Variants in ATN1 observed in about 807,000 individuals in gnomAD.
ATN1 encodes atrophin-1.
A neutral mutation model predicts 85.8 loss-of-function variants in ATN1; 19 were observed. The observed-to-expected ratio is 0.22, with a 90% CI of 0.15 to 0.32. ATN1 has a LOEUF of 0.32. Among genes scored for constraint, ATN1 ranks in the 10% least tolerant of loss-of-function variants. The probability of loss-of-function intolerance (pLI) is 1.00; values close to 1 mark genes in which losing one functional copy is unlikely to be tolerated. For synonymous variants in ATN1, 674 were observed against 657.0 expected, an observed-to-expected ratio of 1.03 and a Z score of -0.39; for missense variants, 1,453 against 1,564.5, an observed-to-expected ratio of 0.93 and a Z score of 1.20.
chr12:6,935,512 GA>G lies in ATN1; in HGVS notation c.280-31del. The G allele has an allele frequency of 6.3e-7, 1 of 1,594,606 alleles. No individual in the cohort carries two copies. The highest frequency in any genetic ancestry group is 8.5e-7 in the Non-Finnish European group (1 of 1,169,596). ...CCCAAATCTCAGGGAAGCAGGAAAG[GA>G]AAAGAGAAAAAATGAGTCTTCCCTT... On this transcript the variant is annotated intron_variant, in intron 4 of 9. Coordinates refer to ENST00000396684, the MANE Select transcript of ATN1 (RefSeq NM_001940.4). This position sits in a 1 kb window ranked among gnomAD's most constrained non-coding sequence, Gnocchi z 5.3.
chr12:6,937,702 T>A lies in ATN1; in HGVS notation c.2294+141T>A. On this transcript the variant is annotated intron_variant, in intron 5 of 9. Coordinates refer to ENST00000396684, the MANE Select transcript of ATN1 (RefSeq NM_001940.4). The surrounding 1 kb of genome is among the most constrained non-coding windows in gnomAD (Gnocchi z 6.0). ...GCCCCTCTCCTCCGTCCAGGCCTAG[T>A]GGCCAGTGAGGCCCGCAGCAGCTCA... 1 of 1,438,096 alleles carries A rather than the reference T, an allele frequency of 7.0e-7. No individual in the cohort carries two copies. Among genetic ancestry groups the A allele is most frequent in the South Asian group, 1.5e-5 (1 of 68,062 alleles). 89.1% of individuals were successfully genotyped at this position (1,438,096 alleles called of 1,614,324 possible). A position where few individuals can be genotyped will look rare whatever the true frequency, so the allele number is the denominator to read the frequency against.
Position 6,936,773 on chromosome 12 carries a change from G to GCAGCAGCAGCAGCAT in ATN1, c.1508_1509insGCAGCAGCAGCATCA (p.Gln502_His503insGlnGlnGlnGlnHis), listed in dbSNP as rs782468714. ...AGCAGCAGCAGCAGCAGCAGCAGCA[G>GCAGCAGCAGCAGCAT]CATCACGGAAACTCTGGGCCCCCTC... is the stretch of plus-strand genomic sequence containing the variant. On this transcript the variant is annotated inframe_insertion, in exon 5 of 10. Transcript: ENST00000396684. The GCAGCAGCAGCAGCAT allele has an allele frequency of 3.5e-5, 55 of 1,590,308 alleles. No individual in the cohort carries two copies. Among genetic ancestry groups the GCAGCAGCAGCAGCAT allele is most frequent in the East Asian group, 1.8e-4 (8 of 44,014 alleles).
In ATN1 at chr12:6,937,176, C is replaced by A; in HGVS notation, c.1909C>A (p.Pro637Thr). The A allele has an allele frequency of 6.2e-7, 1 of 1,611,322 alleles. No individual in the cohort carries two copies. The highest frequency in any genetic ancestry group is 8.5e-7 in the Non-Finnish European group (1 of 1,179,714). Residue 637 changes from proline (P) to threonine (T), a missense_variant, in exon 5 of 10, where the codon CCA becomes ACA. Pro to Thr is a conservative substitution (Grantham distance 38, BLOSUM62 -1). Coordinates refer to ENST00000396684, the MANE Select transcript of ATN1 (RefSeq NM_001940.4). This position sits in a 1 kb window ranked among gnomAD's most constrained non-coding sequence, Gnocchi z 6.0. The stretch of plus-strand genomic sequence containing the variant: ...CAAAACGGCCTCCCCACCTGGGCCC[C>A]CACCGTACGGAAAGAGAGCCCCGTC... Reference protein sequence around the residue: ...GYKTASPPGPPPYGKRAPSPG... With the variant: ...GYKTASPPGPTPYGKRAPSPG...
At chr12:6,932,208 G>A (rs1555143137) in intron 1 of ATN1, among the ~76,000 whole-genome samples, 1 of 152,168 alleles carries the variant, frequency 6.6e-6, no homozygotes. Context: ...CCGTGGAGGT[G>A]AGTGAGAATT....
chr12:6,933,934 G>C lies in ATN1; in HGVS notation c.-68G>C. 1.3e-6 allele frequency: 2 copies of C among 1,557,012 alleles called. No individual in the cohort carries two copies. The highest frequency in any genetic ancestry group is 1.7e-6 in the Non-Finnish European group (2 of 1,146,664). On this transcript the variant is annotated 5_prime_UTR_variant, in exon 2 of 10. Transcript: ENST00000396684. ...AGACCACAGCTGTGGGGAACTTGGGGTGGAGCAGAGAAGTTTCTGTATTCA... is the reference window on the plus strand; with the variant it reads ...AGACCACAGCTGTGGGGAACTTGGGCTGGAGCAGAGAAGTTTCTGTATTCA...
At chr12:6,940,858 C>T in intron 7 of ATN1, 22 bp from the exon 8 acceptor site, 1 of 1,614,128 alleles carries the variant, frequency 6.2e-7, no homozygotes, top group South Asian at 1.1e-5. Context: ...CTGGTGACAC[C>T]TTCCTCTTCT....
At position 6,937,543 on chromosome 12, in the gene ATN1, A is replaced by G; in HGVS notation, c.2276A>G (p.His759Arg). The G allele has an allele frequency of 2.6e-6, 4 of 1,513,326 alleles. No individual in the cohort carries two copies. Among genetic ancestry groups the G allele is most frequent in the Non-Finnish European group, 3.5e-6 (4 of 1,130,858 alleles). 93.7% of individuals were successfully genotyped at this position (1,513,326 alleles called of 1,614,324 possible). A position where few individuals can be genotyped will look rare whatever the true frequency, so the allele number is the denominator to read the frequency against. Residue 759 changes from histidine (H) to arginine (R), a missense_variant, in exon 5 of 10, where the codon CAT becomes CGT. Physicochemically the swap from His to Arg is conservative, Grantham distance 29. Transcript: ENST00000396684. The surrounding 1 kb of genome is among the most constrained non-coding windows in gnomAD (Gnocchi z 6.0). Reference sequence around the variant, plus strand: ...CCCAAGGTGGTAGATGTACCCAGCCATGCCAGTCAGTCTGCCAGGTGAGCG... The same window carrying G: ...CCCAAGGTGGTAGATGTACCCAGCCGTGCCAGTCAGTCTGCCAGGTGAGCG... Reference protein sequence around the residue: ...PPPKVVDVPSHASQSARFNKH... With the variant: ...PPPKVVDVPSRASQSARFNKH...
chr12:6,933,036 C>T (rs1005167390), intron 1 of ATN1, among the ~76,000 whole-genome samples: 4 of 152,166 alleles, frequency 2.6e-5, no homozygotes, highest in Admixed American at 2.0e-4. Context: ...ACTGGTTCCT[C>T]ACTGTGTGAG....
chr12:6,927,572 A>C (rs1945410551), upstream of ATN1, among the ~76,000 whole-genome samples: 1 of 129,382 alleles, frequency 7.7e-6, no homozygotes. Context: ...ACATTCCGCC[A>C]CGGCTAGCCC....
chr12:6,925,153 A>T (rs782138648), upstream of ATN1, among the ~76,000 whole-genome samples: 6,220 of 144,030 alleles, frequency 0.043, 413 homozygotes, highest in African/African-American at 0.16. Flanking sequence ...AGAGAGAGAG[A>T]GAGAGATGTC....
At chr12:6,929,568 T>C (rs1591658612) in intron 1 of ATN1, among the ~76,000 whole-genome samples, 1 of 152,238 alleles carries the variant, frequency 6.6e-6, no homozygotes, top group South Asian at 2.1e-4. Context: ...TTCGAATGTT[T>C]ATTGGACCTC....
rs111615711 is a variant in ATN1, at chr12:6,928,682, C to T, written c.-163+298C>T. On this transcript the variant is annotated intron_variant, in intron 1 of 9. Coordinates refer to ENST00000396684, the MANE Select transcript of ATN1 (RefSeq NM_001940.4). ...GTGGGGCCAGAGGGTATCCGGGACC[C>T]GCAGACTCAAAAGAGGAGGAACATC... Among the ~76,000 whole-genome samples the T allele has an allele frequency of 3.0e-3, 455 of 152,184 alleles. 4 individuals carry two copies. The highest frequency in any genetic ancestry group is 0.01 in the African/African-American group (429 of 41,502).
chr12:6,937,480 A>G lies in ATN1; in HGVS notation c.2213A>G (p.Glu738Gly). 1 of 1,545,976 alleles carries G rather than the reference A, an allele frequency of 6.5e-7. No individual in the cohort carries two copies. Reference protein sequence around the residue: ...QEPAEEYETPESPVPPARSPS... With the variant: ...QEPAEEYETPGSPVPPARSPS... ...CCGGCTGAGGAGTATGAGACCCCCG[A>G]GAGCCCGGTGCCCCCAGCCCGCAGC... The change falls in exon 5 of 10, where the codon GAG becomes GGG. Residue 738 changes from glutamate (E) to glycine (G), a missense_variant. Physicochemically the swap from Glu to Gly is moderately conservative, Grantham distance 98. Transcript: ENST00000396684. This position sits in a 1 kb window ranked among gnomAD's most constrained non-coding sequence, Gnocchi z 6.0.
In ATN1 at chr12:6,937,436, C is replaced by T. The variant is rs782648145; in HGVS notation, c.2169C>T (p.Ala723=). 9.0e-6 allele frequency: 14 copies of T among 1,547,484 alleles called. No individual in the cohort carries two copies. In the South Asian group the frequency reaches 1.5e-4, roughly 17 times the overall value. ...CTGCCTCAGGGCCGCCCCTGAGCGC[C>T]ACGCAGATCAAACAGGAGCCGGCTG... ...AAPASGPPLS[A]TQIKQEPAEE... The change falls in exon 5 of 10, where the codon GCC becomes GCT. Residue 723 remains alanine (A), a synonymous_variant. Transcript: ENST00000396684. The surrounding 1 kb of genome is among the most constrained non-coding windows in gnomAD (Gnocchi z 6.0).
chr12:6,931,741 GAA>G (rs1945468748), intron 1 of ATN1, among the ~76,000 whole-genome samples: 1 of 122,822 alleles, frequency 8.1e-6, no homozygotes, highest in Non-Finnish European at 1.7e-5. Flanking sequence ...GAAAAAAAAA[GAA>G]AACTAGTTGG....
rs782577561 is a variant in ATN1, at chr12:6,937,075, C to A, written c.1808C>A (p.Pro603Gln). Residue 603 changes from proline to glutamine, a missense_variant, in exon 5 of 10, where the codon CCG (proline) becomes CAG (glutamine). Around this residue, in one of 6 missense-constraint regions of ATN1, gnomAD observed 990 missense variants for 914.8 expected, o/e 1.08. Transcript: ENST00000396684. This position sits in a 1 kb window ranked among gnomAD's most constrained non-coding sequence, Gnocchi z 6.0. ...CAAGGGGCGCCCTACCCTTTCCCAC[C>A]GGTGCCTACGGTCACCACCTCTTCG... ...GPQGAPYPFP[P>Q]VPTVTTSSAT... 1 of 1,613,294 alleles carries A rather than the reference C, an allele frequency of 6.2e-7. No homozygotes were observed. Among genetic ancestry groups the A allele is most frequent in the Non-Finnish European group, 8.5e-7 (1 of 1,180,026 alleles).
upstream of ATN1, among the ~76,000 whole-genome samples, chr12:6,927,861 G>A (rs1313918329): frequency 6.6e-6 from 1 of 151,716 alleles, no homozygotes; most frequent in South Asian, 2.1e-4. Context: ...GCGCCGGGTC[G>A]GGGCCTCGGG....
In ATN1 at chr12:6,936,492, C is replaced by T. The variant is rs1555143692; in HGVS notation, c.1225C>T (p.Pro409Ser). ...AGCTTCCCAGGCATTGCCCAGCTAC[C>T]CCCACTCTTTCCCTCCCCCAACAAG... is the stretch of plus-strand genomic sequence containing the variant. ...FPASQALPSY[P>S]HSFPPPTSLS... is the part of the protein sequence containing the mutation. The change falls in exon 5 of 10, where the codon CCC becomes TCC. Residue 409 changes from proline to serine, a missense_variant. Coordinates refer to ENST00000396684, the MANE Select transcript of ATN1 (RefSeq NM_001940.4). 1 of 1,593,502 alleles carries T rather than the reference C, an allele frequency of 6.3e-7. No homozygotes were observed. Among genetic ancestry groups the T allele is most frequent in the Non-Finnish European group, 8.5e-7 (1 of 1,171,740 alleles).
rs1313333629 is a variant in ATN1 at position 6,934,783 on chromosome 12, G to A, written c.279+205G>A. ...CACCAGATGACCAGGCAGGGCCAAA[G>A]GGGACCAGAAGAGTTGGGGGATTCT... On this transcript the variant is annotated intron_variant, in intron 4 of 9. Transcript: ENST00000396684. The surrounding 1 kb of genome is among the most constrained non-coding windows in gnomAD (Gnocchi z 4.5). Among the ~76,000 whole-genome samples the A allele has an allele frequency of 1.3e-5, 2 of 152,276 alleles. No homozygotes were observed. The highest frequency in any genetic ancestry group is 4.8e-5 in the African/African-American group (2 of 41,478).
Sources: gnomAD v4.1 joint callset for allele counts (sites outside exome capture counted in the v4.1 genomes callset) on GRCh38, gnomAD v4.1.1 for gene constraint, gnomAD v4.1.1 regional missense constraint, Gnocchi (gnomAD v3.1) non-coding constraint, MANE v1.5 for transcripts, NCBI Gene and HGNC (gene_info 2026-07-23, HGNC 2026-07-21) for gene names.